Variants in DNAJB1 observed in about 807,000 individuals in gnomAD.
DNAJB1 encodes the protein DnaJ heat shock protein family (Hsp40) member B1.
Under a neutral mutation model 24.0 loss-of-function variants are expected in DNAJB1, and 14 were observed. The observed-to-expected ratio is 0.58, with a 90% CI of 0.39 to 0.91. DNAJB1 has a LOEUF of 0.91. Among genes scored for constraint, DNAJB1 ranks in the 40% least tolerant of loss-of-function variants. The pLI, the probability that DNAJB1 is intolerant of heterozygous loss-of-function variation, is 0.00. For synonymous variants in DNAJB1, 262 were observed against 174.4 expected, an observed-to-expected ratio of 1.50 and a Z score of -3.96; for missense variants, 517 against 458.1, an observed-to-expected ratio of 1.13 and a Z score of -1.17.
chr19:14,522,705 C>G (rs990349079), upstream of DNAJB1, among the ~76,000 whole-genome samples: 3 of 151,346 alleles, frequency 2.0e-5, no homozygotes, highest in Admixed American at 6.6e-5. Context: ...CACACACACA[C>G]ACACACACAC....
intron 1 of DNAJB1, among the ~76,000 whole-genome samples, chr19:14,528,144 G>A (rs1303507210): frequency 3.3e-5 from 5 of 151,808 alleles, no homozygotes; most frequent in South Asian, 2.1e-4. Flanking sequence ...TTGGCCTCCC[G>A]AAGTGCTGGG....
At chr19:14,543,681 T>A (rs113110209) in intron 1 of DNAJB1, among the ~76,000 whole-genome samples, 3 of 144,660 alleles carry the variant, frequency 2.1e-5, no homozygotes, top group African/African-American at 5.1e-5. Context: ...CTCGTGATCC[T>A]CCCGCCTCGG....
chr19:14,539,854 A>G (rs1239661527), intron 1 of DNAJB1, among the ~76,000 whole-genome samples: 2 of 147,820 alleles, frequency 1.4e-5, no homozygotes, highest in Admixed American at 6.9e-5. Context: ...TTCGCAGCCC[A>G]TCTGGGCTTG....
At chr19:14,536,365 G>A (rs1311538506) in intron 1 of DNAJB1, among the ~76,000 whole-genome samples, 1 of 151,694 alleles carries the variant, frequency 6.6e-6, no homozygotes, top group Non-Finnish European at 1.5e-5. Flanking sequence ...TGCCTCCTGG[G>A]TTCAAGCGAT....
chr19:14,530,499 C>T (rs922218823), upstream of DNAJB1: 1 of 152,140 alleles, frequency 6.6e-6, no homozygotes, highest in African/African-American at 2.4e-5. Context: ...TATTAAAATT[C>T]AAAATAACAA....
intron 1 of DNAJB1, among the ~76,000 whole-genome samples, chr19:14,548,390 T>C (rs2073376929): frequency 6.6e-6 from 1 of 152,152 alleles, no homozygotes; most frequent in Non-Finnish European, 1.5e-5. Flanking sequence ...TGTTTGACTC[T>C]GCTCTTTCTC....
intron 1 of DNAJB1, among the ~76,000 whole-genome samples, chr19:14,540,976 A>C (rs12975703): frequency 0.2 from 30,495 of 151,878 alleles, 3,428 homozygotes; most frequent in African/African-American, 0.3. Context: ...CTGGGACTAC[A>C]GGCCACACGC....
chr19:14,529,876 A>T (rs144615833), upstream of DNAJB1: 6 of 931,042 alleles, frequency 6.4e-6, no homozygotes, highest in Non-Finnish European at 1.0e-5. Flanking sequence ...GTAAATTCCA[A>T]TGCGCATGTG....
At position 14,525,227 on chromosome 19, in the gene DNAJB1, C is replaced by T. The variant is rs149998686; in HGVS notation, c.-90+2499G>A. On this transcript the variant is annotated intron_variant, in intron 2 of 3. Transcript: ENST00000396969. ...CAGCCTGGGTGACAGAGCGAGACTC[C>T]ATCTCAAAAATAAAAATAAAAAAGA... 1.1e-3 allele frequency among the ~76,000 whole-genome samples: 174 copies of T among 152,190 alleles called. 1 individual carries two copies. Among genetic ancestry groups the T allele is most frequent in the Middle Eastern group, 3.4e-3 (1 of 294 alleles).
intron 1 of DNAJB1, chr19:14,545,139 A>G (rs1380254068): frequency 2.2e-6 from 1 of 456,744 alleles, no homozygotes; most frequent in Admixed American, 2.3e-5. Context: ...TCAAGAAACC[A>G]AAGCAGCCTG....
At chr19:14,528,648 T>G (rs1452617418) in intron 1 of DNAJB1, among the ~76,000 whole-genome samples, 9 of 151,436 alleles carry the variant, frequency 5.9e-5, no homozygotes, top group African/African-American at 2.2e-4. Context: ...CGGAGCAAAG[T>G]GTGGAGGGGG....
intron 1 of DNAJB1, among the ~76,000 whole-genome samples, chr19:14,538,421 C>T (rs2072980150): frequency 6.6e-6 from 1 of 152,112 alleles, no homozygotes; most frequent in Non-Finnish European, 1.5e-5. Context: ...GGGTAAAAAT[C>T]CTTAAGCGGA....
At chr19:14,532,338 G>A (rs934472491), upstream of DNAJB1, 2 of 151,974 alleles carry the variant, frequency 1.3e-5, no homozygotes, top group Non-Finnish European at 1.5e-5. Context: ...TTGAGGTGAG[G>A]AGTTCAAGAC....
upstream of DNAJB1, among the ~76,000 whole-genome samples, chr19:14,555,164 G>A (rs972209308): frequency 6.6e-6 from 1 of 151,712 alleles, no homozygotes; most frequent in African/African-American, 2.4e-5. Context: ...CTGCAGCCTG[G>A]AACTCCTAGG....
intron 1 of DNAJB1, among the ~76,000 whole-genome samples, chr19:14,558,980 G>GGC (rs2073826583): frequency 6.6e-6 from 1 of 152,156 alleles, no homozygotes; most frequent in South Asian, 2.1e-4. Context: ...GGCCTGGGCA[G>GGC]GCGTGTGTGT....
chr19:14,518,653 C>T (rs927447994), upstream of DNAJB1, among the ~76,000 whole-genome samples: 3 of 152,170 alleles, frequency 2.0e-5, no homozygotes, highest in African/African-American at 7.2e-5. Flanking sequence ...CCCCGCCCAC[C>T]TTTCGGGACG....
intron 1 of DNAJB1, among the ~76,000 whole-genome samples, chr19:14,535,940 C>T (rs1352329218): frequency 6.6e-6 from 1 of 151,930 alleles, no homozygotes; most frequent in Non-Finnish European, 1.5e-5. Context: ...GGCAGATTCT[C>T]CTGGTGGAGT....
chr19:14,531,300 G>A (rs565082910), upstream of DNAJB1: 10 of 152,086 alleles, frequency 6.6e-5, no homozygotes, highest in Non-Finnish European at 1.3e-4. Context: ...GCCTCCCAAA[G>A]TACTGGGATT....
chr19:14,525,220 G>A (rs911035625), intron 2 of DNAJB1, among the ~76,000 whole-genome samples: 2 of 152,154 alleles, frequency 1.3e-5, no homozygotes, highest in African/African-American at 4.8e-5. Flanking sequence ...GTGACAGAGC[G>A]AGACTCCATC....
Sources: allele counts gnomAD v4.1 joint callset (sites outside exome capture counted in the v4.1 genomes callset), GRCh38; gene constraint gnomAD v4.1.1; transcripts MANE v1.5; gene names NCBI Gene and HGNC (gene_info 2026-07-23, HGNC 2026-07-21).